KIF5C: variants seen among roughly 807,000 people sequenced by gnomAD.
KIF5C encodes kinesin heavy chain isoform 5C.
A neutral mutation model predicts 125.2 loss-of-function variants in KIF5C; 18 were observed. The ratio of observed to expected loss-of-function variants is 0.14; its 90% CI spans 0.10 to 0.21. The LOEUF (loss-of-function observed/expected upper bound fraction) is 0.21, where lower values mean the gene tolerates loss of function less well. KIF5C is among the 10% of genes least tolerant of loss of function. The pLI is 1.00. For missense variants in KIF5C, 780 were observed against 1,183.8 expected (o/e 0.66, Z 5.01); for synonymous variants, 405 against 434.0 (o/e 0.93, Z 0.83).
chr2:149,002,114 C>T (rs1681867707), intron 21 of KIF5C, among the ~76,000 whole-genome samples: 1 of 152,242 alleles, frequency 6.6e-6, no homozygotes, highest in Non-Finnish European at 1.5e-5. Context: ...TCATCTACAT[C>T]TGTTTTACCA....
At chr2:148,923,469 T>C (rs897328047) in intron 2 of KIF5C, among the ~76,000 whole-genome samples, 2 of 152,198 alleles carry the variant, frequency 1.3e-5, no homozygotes, top group Non-Finnish European at 2.9e-5. Context: ...AGTATGGACC[T>C]ATATCGGGTG....
chr2:148,957,597 A>AC lies in KIF5C; in HGVS notation c.969-4374_969-4373insC, dbSNP rs1337355751. On this transcript the variant is annotated intron_variant, in intron 10 of 25. Coordinates refer to ENST00000435030, the MANE Select transcript of KIF5C (RefSeq NM_004522.3). ...TAGGAGAATGTTTGTTCTAGTAAAA[A>AC]AAAAAAAAAAAAAAAAAAAACAATA... Among the ~76,000 whole-genome samples the AC allele has an allele frequency of 8.5e-3, 675 of 79,480 alleles. 4 individuals are homozygous for AC. Among genetic ancestry groups the AC allele is most frequent in the South Asian group, 0.029 (66 of 2,314 alleles). The allele number at this position is 79,480 out of a possible 152,430, so 52.1% of individuals were successfully genotyped here. A position where few individuals can be genotyped will look rare whatever the true frequency, so the allele number is the denominator to read the frequency against.
chr2:149,008,105 T>C (rs1156539741), intron 23 of KIF5C, 38 bp downstream of exon 23: 4 of 1,574,774 alleles, frequency 2.5e-6, no homozygotes, highest in Non-Finnish European at 1.7e-6. Context: ...GATTCCCTCC[T>C]CTCTCCTGGA....
intron 8 of KIF5C, chr2:148,947,779 T>A (rs964318260): frequency 9.7e-6 from 4 of 411,284 alleles, no homozygotes; most frequent in African/African-American, 8.1e-5. Context: ...TCGAGCAACA[T>A]CATAGAGCAA....
At chr2:148,964,778 C>T (rs568629818) in intron 11 of KIF5C, among the ~76,000 whole-genome samples, 25 of 152,044 alleles carry the variant, frequency 1.6e-4, no homozygotes, top group Admixed American at 4.6e-4. Flanking sequence ...GAGATGGGCT[C>T]GAGGGATAGG....
intron 4 of KIF5C, among the ~76,000 whole-genome samples, chr2:148,938,327 T>C (rs1348524384): frequency 6.6e-6 from 1 of 152,202 alleles, no homozygotes; most frequent in African/African-American, 2.4e-5. Flanking sequence ...TTTTAAAGTG[T>C]ATAGTTTGAT....
At position 148,922,497 on chromosome 2, in the gene KIF5C, G is replaced by C. The variant is rs377743893; in HGVS notation, c.217+270G>C. On this transcript the variant is annotated intron_variant, in intron 2 of 25. Coordinates refer to ENST00000435030, the MANE Select transcript of KIF5C (RefSeq NM_004522.3). The stretch of plus-strand genomic sequence containing the variant: ...ACCCAAAAGCTTAAAAGCAAGGTAA[G>C]CTGTGTTCACACTATTTCTGTAATA... Among the ~76,000 whole-genome samples the C allele has an allele frequency of 3.3e-5, 5 of 152,268 alleles. No individual in the cohort carries two copies. In the East Asian group the frequency reaches 7.7e-4, roughly 24 times the overall value.
rs752212713 is a variant in KIF5C at position 149,003,505 on chromosome 2, C to T, written c.2374-1888C>T. Among the ~76,000 whole-genome samples, 3 of 152,250 alleles carry T rather than the reference C, an allele frequency of 2.0e-5. No homozygotes were observed. In the South Asian group the frequency reaches 6.2e-4, roughly 31 times the overall value. On this transcript the variant is annotated intron_variant, in intron 21 of 25. Transcript: ENST00000435030. ...GTATTCCCTCCTTGCTGGTCCCACC[C>T]TTGCTGTCCACTGTGACAGGAAGCT... is the stretch of plus-strand genomic sequence containing the variant.
intron 22 of KIF5C, among the ~76,000 whole-genome samples, chr2:149,006,894 G>A (rs1201099707): frequency 6.6e-6 from 1 of 152,162 alleles, no homozygotes; most frequent in African/African-American, 2.4e-5. Context: ...GGAGGTGGAA[G>A]CCATGACCAT....
Position 149,024,607 on chromosome 2 carries a change from C to T in KIF5C, c.*1537C>T, listed in dbSNP as rs571135025. On this transcript the variant is annotated 3_prime_UTR_variant, in exon 26 of 26. Coordinates refer to ENST00000435030, the MANE Select transcript of KIF5C (RefSeq NM_004522.3). The stretch of plus-strand genomic sequence containing the variant: ...ACTGTGCATTGACATCCAAACATTT[C>T]TTGTACAAAATTTCCCTAGCAAAGC... The T allele has an allele frequency of 4.0e-5, 6 of 150,766 alleles. No individual in the cohort carries two copies. In the East Asian group the frequency reaches 1.2e-3, roughly 30 times the overall value. The allele number at this position is 150,766 out of a possible 1,614,324, so 9.3% of individuals were successfully genotyped here.
chr2:148,985,235 C>T (rs930658269), intron 15 of KIF5C, among the ~76,000 whole-genome samples: 4 of 152,032 alleles, frequency 2.6e-5, no homozygotes, highest in African/African-American at 9.7e-5. Flanking sequence ...TAACAATTTG[C>T]TGGAATATAG....
chr2:148,875,814 A>C, intron 1 of KIF5C, 71 bp downstream of exon 1: 1 of 1,538,120 alleles, frequency 6.5e-7, no homozygotes, highest in Non-Finnish European at 8.8e-7. Context: ...CCCCAGACGC[A>C]GCGGAGGTGT....
At chr2:148,955,326 A>C (rs1327447240) in intron 10 of KIF5C, among the ~76,000 whole-genome samples, 1 of 152,216 alleles carries the variant, frequency 6.6e-6, no homozygotes, top group African/African-American at 2.4e-5. Context: ...TACTTTGTAG[A>C]ATATGCTTAG....
In KIF5C at chr2:148,995,163, G is replaced by C. The variant is rs543475026; in HGVS notation, c.2023+625G>C. 1.3e-4 allele frequency among the ~76,000 whole-genome samples: 20 copies of C among 152,260 alleles called. No homozygotes were observed. In the East Asian group the frequency reaches 3.7e-3, roughly 28 times the overall value. ...CTGCCAGAGGCCCCTCTGGTTCACTGTCCAGGTTAACTAAGGACTGTGGCT... is the reference window on the plus strand; with the variant it reads ...CTGCCAGAGGCCCCTCTGGTTCACTCTCCAGGTTAACTAAGGACTGTGGCT... On this transcript the variant is annotated intron_variant, in intron 17 of 25. Coordinates refer to ENST00000435030, the MANE Select transcript of KIF5C (RefSeq NM_004522.3).
intron 15 of KIF5C, among the ~76,000 whole-genome samples, chr2:148,988,226 G>T (rs1395289049): frequency 6.6e-6 from 1 of 151,746 alleles, no homozygotes; most frequent in Non-Finnish European, 1.5e-5. Context: ...CTAAATATAT[G>T]AACTTTGTAG....
At chr2:148,994,195 G>T (rs1681602233) in intron 16 of KIF5C, among the ~76,000 whole-genome samples, 1 of 152,202 alleles carries the variant, frequency 6.6e-6, no homozygotes, top group Non-Finnish European at 1.5e-5. Flanking sequence ...CCTGCCATGA[G>T]TGGTGTCTGT....
intron 3 of KIF5C, among the ~76,000 whole-genome samples, chr2:148,929,987 C>T (rs1682136720): frequency 6.6e-6 from 1 of 152,150 alleles, no homozygotes; most frequent in Admixed American, 6.5e-5. Context: ...TTTTTGTTAA[C>T]ATTTCTAGTG....
chr2:148,975,010 G>A (rs375127639), intron 12 of KIF5C, among the ~76,000 whole-genome samples: 16 of 152,244 alleles, frequency 1.1e-4, no homozygotes, highest in African/African-American at 3.6e-4. Context: ...AAAGCATTCA[G>A]TTGGTAGCTG....
intron 22 of KIF5C, among the ~76,000 whole-genome samples, chr2:149,006,551 G>A (rs1682015842): frequency 6.6e-6 from 1 of 152,238 alleles, no homozygotes; most frequent in Non-Finnish European, 1.5e-5. Context: ...GGTAGGGGAT[G>A]TGCTATGGAA....
Sources: allele counts gnomAD v4.1 joint callset (sites outside exome capture counted in the v4.1 genomes callset), GRCh38; gene constraint gnomAD v4.1.1; transcripts MANE v1.5; gene names NCBI Gene and HGNC (gene_info 2026-07-23, HGNC 2026-07-21).